The following ABCG2 variants were observed in gnomAD, a reference collection of about 807,000 sequenced individuals.
ABCG2 encodes the protein ATP binding cassette subfamily G member 2 (JR blood group).
ABCG2 carries 80 observed loss-of-function variants against 73.5 expected under a neutral mutation model. The ratio of observed to expected loss-of-function variants is 1.09; its 90% CI spans 0.91 to 1.31. The LOEUF (loss-of-function observed/expected upper bound fraction) is 1.31. Among genes scored for constraint, ABCG2 ranks in the 50% most tolerant of loss-of-function variants. The pLI is 0.00. For missense variants in ABCG2, 796 were observed against 786.2 expected (o/e 1.01, Z -0.15); for synonymous variants, 269 against 282.4 (o/e 0.95, Z 0.48).
At chr4:88,199,775 G>A (rs1729080824) in intron 1 of ABCG2, among the ~76,000 whole-genome samples, 1 of 151,874 alleles carries the variant, frequency 6.6e-6, no homozygotes, top group Non-Finnish European at 1.5e-5. Context: ...TGAGGCGGGC[G>A]GATCACAAGG....
upstream of ABCG2, chr4:88,158,976 C>G: frequency 2.8e-6 from 1 of 359,838 alleles, no homozygotes; most frequent in South Asian, 2.0e-5. Flanking sequence ...GAGGCGTGGC[C>G]CCGACTGCCG....
chr4:88,196,614 A>T (rs1047585031), intron 1 of ABCG2, among the ~76,000 whole-genome samples: 1 of 152,132 alleles, frequency 6.6e-6, no homozygotes, highest in East Asian at 1.9e-4. Flanking sequence ...AGGAATGCCC[A>T]TAAGAAAACC....
chr4:88,189,914 C>T lies in ABCG2; in HGVS notation c.-20+41080G>A, dbSNP rs78079503. Among the ~76,000 whole-genome samples, 739 of 152,200 alleles carry T rather than the reference C, an allele frequency of 4.9e-3. 6 individuals are homozygous for T. Among genetic ancestry groups the T allele is most frequent in the African/African-American group, 0.017 (707 of 41,532 alleles). ...ATGCTGAAGACGTTTCCTTCTATTC[C>T]TATTTAGGGTTTTTATCATTAAAAA... On this transcript the variant is annotated intron_variant, in intron 1 of 15. Coordinates refer to the ABCG2 transcript ENST00000515655.
At position 88,113,438 on chromosome 4, in the gene ABCG2, G is replaced by A. The variant is rs774897067; in HGVS notation, c.1059C>T (p.Ser353=). 3.7e-5 allele frequency: 59 copies of A among 1,613,932 alleles called. No individual in the cohort carries two copies. The highest frequency in any genetic ancestry group is 1.6e-4 in the Middle Eastern group (1 of 6,084). ...TGATCTTCTTCTTCTTCTCACCCCC[G>A]GAAAGTTGATGTAATTCAGCTTTTG... The part of the protein sequence containing the change: ...KETKAELHQL[S]GGEKKKKITV... Residue 353 remains serine (S), a synonymous_variant, in exon 9 of 16, where the codon TCC becomes TCT. Transcript: ENST00000237612.
chr4:88,225,014 G>A (rs1730152012), intron 1 of ABCG2, among the ~76,000 whole-genome samples: 1 of 152,152 alleles, frequency 6.6e-6, no homozygotes, highest in Admixed American at 6.5e-5. Flanking sequence ...GTTTATTTCA[G>A]GGCTTTCTAT....
rs570105693 is a variant in ABCG2 at position 88,187,749 on chromosome 4, A to G, written c.-20+43245T>C. On this transcript the variant is annotated intron_variant, in intron 1 of 15. Transcript: ENST00000515655. ...ATATATACACCTACAATGTACCCAC[A>G]AACATTAAAAATTATATTAAAGGGA... Among the ~76,000 whole-genome samples the G allele has an allele frequency of 3.9e-5, 6 of 152,348 alleles. No homozygotes were observed. In the South Asian group the frequency reaches 6.2e-4, roughly 16 times the overall value.
chr4:88,206,863 G>T (rs972816869), intron 1 of ABCG2, among the ~76,000 whole-genome samples: 2 of 152,112 alleles, frequency 1.3e-5, no homozygotes, highest in Non-Finnish European at 2.9e-5. Context: ...GCGCTGATTG[G>T]TGCATTTACA....
intron 1 of ABCG2, among the ~76,000 whole-genome samples, chr4:88,219,671 T>G (rs931577796): frequency 7.4e-6 from 1 of 135,436 alleles, no homozygotes; most frequent in African/African-American, 2.8e-5. Flanking sequence ...AAGCTCCGCC[T>G]CCCAGGTTCA....
intron 1 of ABCG2, among the ~76,000 whole-genome samples, chr4:88,186,940 A>G (rs1728487053): frequency 1.1e-5 from 1 of 87,590 alleles, no homozygotes; most frequent in Non-Finnish European, 2.3e-5. Context: ...AAAAAAAAAA[A>G]AATTTAGCCG....
intron 1 of ABCG2, among the ~76,000 whole-genome samples, chr4:88,145,597 G>GC (rs1421816704): frequency 6.6e-6 from 1 of 152,112 alleles, no homozygotes; most frequent in African/African-American, 2.4e-5. Flanking sequence ...AGCCACTGAG[G>GC]CCTTTTAATC....
intron 1 of ABCG2, among the ~76,000 whole-genome samples, chr4:88,207,447 A>G (rs1729421904): frequency 6.6e-6 from 1 of 152,192 alleles, no homozygotes; most frequent in Non-Finnish European, 1.5e-5. Flanking sequence ...AACTGTGGAC[A>G]ACTGGAAAAG....
chr4:88,167,129 G>A (rs1463833821), intron 1 of ABCG2, among the ~76,000 whole-genome samples: 5 of 17,820 alleles, frequency 2.8e-4, no homozygotes, highest in Non-Finnish European at 6.5e-4. Flanking sequence ...AAGTCAAAGT[G>A]TCAGCCAGCT....
At chr4:88,173,997 T>C (rs959264505) in intron 1 of ABCG2, among the ~76,000 whole-genome samples, 3 of 152,170 alleles carry the variant, frequency 2.0e-5, no homozygotes, top group African/African-American at 7.2e-5. Flanking sequence ...CCTTACAGTT[T>C]GTTATGGACA....
intron 5 of ABCG2, among the ~76,000 whole-genome samples, chr4:88,126,235 C>T (rs750116737): frequency 1.2e-4 from 19 of 152,096 alleles, no homozygotes; most frequent in African/African-American, 3.9e-4. Context: ...AGGAAGAAGT[C>T]GAATCACTGA....
intron 1 of ABCG2, among the ~76,000 whole-genome samples, chr4:88,227,191 G>C (rs369665833): frequency 6.6e-6 from 1 of 152,132 alleles, no homozygotes; most frequent in African/African-American, 2.4e-5. Context: ...TCAGCAGTTC[G>C]AGACCAGCCT....
chr4:88,219,220 A>C (rs957930041), intron 1 of ABCG2, among the ~76,000 whole-genome samples: 1 of 152,220 alleles, frequency 6.6e-6, no homozygotes, highest in East Asian at 1.9e-4. Flanking sequence ...CTCCAGGTGG[A>C]GCCCTTTCTT....
intron 1 of ABCG2, among the ~76,000 whole-genome samples, chr4:88,191,998 C>T (rs758979109): frequency 4.5e-4 from 68 of 152,018 alleles, no homozygotes; most frequent in Non-Finnish European, 7.8e-4. Flanking sequence ...TGGCAAAATC[C>T]CGTCTCTATT....
At chr4:88,119,041 A>T (rs1723782641) in intron 6 of ABCG2, among the ~76,000 whole-genome samples, 1 of 152,188 alleles carries the variant, frequency 6.6e-6, no homozygotes, top group Non-Finnish European at 1.5e-5. Flanking sequence ...CAATTGTAAC[A>T]ATCCCCACAT....
chr4:88,204,478 A>T (rs932330851), intron 1 of ABCG2, among the ~76,000 whole-genome samples: 13 of 152,220 alleles, frequency 8.5e-5, no homozygotes, highest in Non-Finnish European at 1.6e-4. Flanking sequence ...TCTGCTGCAG[A>T]GCATATAATA....
Sources: allele counts gnomAD v4.1 joint callset (sites outside exome capture counted in the v4.1 genomes callset), GRCh38; gene constraint gnomAD v4.1.1; transcripts MANE v1.5; gene names NCBI Gene and HGNC (gene_info 2026-07-23, HGNC 2026-07-21).